PTPRD: variants seen among roughly 807,000 people sequenced by gnomAD.
The protein encoded by PTPRD is protein tyrosine phosphatase receptor type D.
Under a neutral mutation model 214.5 loss-of-function variants are expected in PTPRD, and 34 were observed. The observed-to-expected ratio is 0.16, with a 90% CI of 0.12 to 0.21. The LOEUF (loss-of-function observed/expected upper bound fraction) is 0.21, where lower values mean the gene tolerates loss of function less well. Among genes scored for constraint, PTPRD ranks in the 10% least tolerant of loss-of-function variants. PTPRD has a pLI of 1.00. For missense variants in PTPRD, 2,545 were observed against 2,398.7 expected (o/e 1.06, Z -1.27); for synonymous variants, 1,128 against 845.7 (o/e 1.33, Z -5.79).
intron 7 of PTPRD, among the ~76,000 whole-genome samples, chr9:9,688,801 A>G (rs183281644): frequency 2.0e-5 from 3 of 151,840 alleles, no homozygotes; most frequent in Non-Finnish European, 2.9e-5. Flanking sequence ...CACATTTTAA[A>G]TCTTCCAAGT....
chr9:8,790,890 T>C (rs1038224547), intron 11 of PTPRD, among the ~76,000 whole-genome samples: 3 of 152,218 alleles, frequency 2.0e-5, no homozygotes, highest in Non-Finnish European at 4.4e-5. Context: ...TCAGTCTCAC[T>C]ATCCACATTT....
At chr9:10,560,156 C>A (rs1054070948) in intron 2 of PTPRD, among the ~76,000 whole-genome samples, 1 of 152,130 alleles carries the variant, frequency 6.6e-6, no homozygotes, top group Non-Finnish European at 1.5e-5. Context: ...ATGGAACCAA[C>A]CCAAATGTCC....
chr9:9,102,774 A>C (rs567964974), intron 10 of PTPRD, among the ~76,000 whole-genome samples: 19 of 152,376 alleles, frequency 1.2e-4, no homozygotes, highest in African/African-American at 4.3e-4. Flanking sequence ...TCAGGAAATT[A>C]AACTGGTAGA....
chr9:9,112,841 G>T (rs572765594), intron 10 of PTPRD, among the ~76,000 whole-genome samples: 1 of 151,986 alleles, frequency 6.6e-6, no homozygotes, highest in Non-Finnish European at 1.5e-5. Context: ...AATATGTTTC[G>T]TATCTCTTGA....
intron 5 of PTPRD, among the ~76,000 whole-genome samples, chr9:9,815,984 A>G (rs1377759901): frequency 6.6e-6 from 1 of 152,152 alleles, no homozygotes; most frequent in African/African-American, 2.4e-5. Context: ...TTTATTGCAA[A>G]GCGAAAGTAC....
intron 11 of PTPRD, among the ~76,000 whole-genome samples, chr9:8,784,526 A>C (rs1465170773): frequency 6.6e-6 from 1 of 152,232 alleles, no homozygotes; most frequent in Non-Finnish European, 1.5e-5. Flanking sequence ...CTACATAAAG[A>C]AGCAAAATCC....
intron 5 of PTPRD, among the ~76,000 whole-genome samples, chr9:9,892,925 A>C (rs780073473): frequency 6.6e-6 from 1 of 152,000 alleles, no homozygotes; most frequent in Non-Finnish European, 1.5e-5. Context: ...ATAAAAGGAG[A>C]GATTCATTAT....
At chr9:9,955,189 G>T (rs576126453) in intron 4 of PTPRD, among the ~76,000 whole-genome samples, 5 of 152,236 alleles carry the variant, frequency 3.3e-5, no homozygotes, top group Admixed American at 6.5e-5. Flanking sequence ...CTTATCTCCA[G>T]TATAACACTG....
chr9:8,982,766 T>C (rs1265368604), intron 11 of PTPRD, among the ~76,000 whole-genome samples: 1 of 152,048 alleles, frequency 6.6e-6, no homozygotes, highest in East Asian at 1.9e-4. Flanking sequence ...GTCTTTAGAA[T>C]ATAAATATAG....
chr9:8,759,306 C>G (rs563142356), intron 11 of PTPRD, among the ~76,000 whole-genome samples: 1 of 152,260 alleles, frequency 6.6e-6, no homozygotes, highest in South Asian at 2.1e-4. Flanking sequence ...CCTGCCTTGG[C>G]TTCCCAAAGT....
At chr9:9,835,294 CT>C (rs909387502) in intron 5 of PTPRD, among the ~76,000 whole-genome samples, 3 of 151,936 alleles carry the variant, frequency 2.0e-5, no homozygotes, top group Admixed American at 1.3e-4. Flanking sequence ...ACCCCTGAGA[CT>C]TTTTTTTACA....
chr9:9,004,006 G>T (rs1422184555), intron 11 of PTPRD, among the ~76,000 whole-genome samples: 2 of 151,962 alleles, frequency 1.3e-5, no homozygotes, highest in African/African-American at 2.4e-5. Flanking sequence ...TAAATCATTT[G>T]CTGCATTGCA....
chr9:9,172,056 A>G (rs983205086), intron 10 of PTPRD, among the ~76,000 whole-genome samples: 1 of 152,162 alleles, frequency 6.6e-6, no homozygotes, highest in African/African-American at 2.4e-5. Context: ...AAATGGTATT[A>G]CAAATCCAGT....
At chr9:8,706,511 T>C (rs563146803) in intron 12 of PTPRD, among the ~76,000 whole-genome samples, 22 of 152,344 alleles carry the variant, frequency 1.4e-4, no homozygotes, top group African/African-American at 5.1e-4. Context: ...CTCTCTTTTT[T>C]TTCCTTCCCC....
chr9:8,367,397 G>GT (rs1434283075), intron 39 of PTPRD, among the ~76,000 whole-genome samples: 2 of 152,138 alleles, frequency 1.3e-5, no homozygotes, highest in Non-Finnish European at 2.9e-5. Flanking sequence ...TTGTAACAAT[G>GT]TGGGGGAAGG....
At chr9:9,185,705 G>A (rs1238970481) in intron 9 of PTPRD, among the ~76,000 whole-genome samples, 1 of 151,974 alleles carries the variant, frequency 6.6e-6, no homozygotes, top group East Asian at 1.9e-4. Flanking sequence ...TTGCTGAATG[G>A]CACCTTCAGG....
At chr9:8,324,688 A>C (rs1831835880) in intron 44 of PTPRD, among the ~76,000 whole-genome samples, 1 of 152,082 alleles carries the variant, frequency 6.6e-6, no homozygotes, top group South Asian at 2.1e-4. Context: ...TGTCTTCCAC[A>C]CTGGTTTAAC....
chr9:8,542,784 G>T (rs190790332), intron 14 of PTPRD, among the ~76,000 whole-genome samples: 13 of 152,220 alleles, frequency 8.5e-5, no homozygotes, highest in African/African-American at 3.1e-4. Context: ...GGCAAGAAAT[G>T]TCTGCTTCAG....
At chr9:9,567,259 G>A (rs921004961) in intron 8 of PTPRD, among the ~76,000 whole-genome samples, 2 of 151,808 alleles carry the variant, frequency 1.3e-5, no homozygotes, top group Admixed American at 6.6e-5. Context: ...TTGTGGGTGG[G>A]AGGTTCTGCT....
Sources: allele counts gnomAD v4.1 joint callset (sites outside exome capture counted in the v4.1 genomes callset), GRCh38; gene constraint gnomAD v4.1.1; transcripts MANE v1.5; gene names NCBI Gene and HGNC (gene_info 2026-07-23, HGNC 2026-07-21).